Variants in CDH13 observed in about 807,000 individuals in gnomAD.
The protein encoded by CDH13 is cadherin 13.
A neutral mutation model predicts 63.8 loss-of-function variants in CDH13; 24 were observed. The observed-to-expected ratio is 0.38, with a 90% CI of 0.27 to 0.53. CDH13 has a LOEUF of 0.53. Ranked by LOEUF, CDH13 falls within the 20% of genes least tolerant of loss-of-function variation. CDH13 has a pLI of 0.85. For synonymous variants in CDH13, 503 were observed against 355.3 expected (o/e 1.42, Z -4.67); for missense variants, 1,049 against 903.1 (o/e 1.16, Z -2.07).
At chr16:83,110,906 C>T (rs1320624010) in intron 3 of CDH13, among the ~76,000 whole-genome samples, 2 of 150,456 alleles carry the variant, frequency 1.3e-5, no homozygotes, top group East Asian at 3.9e-4. Context: ...TTTCTTGTTA[C>T]TCAGCAACCA....
chr16:83,451,551 C>T (rs961572225), intron 6 of CDH13, among the ~76,000 whole-genome samples: 1 of 152,128 alleles, frequency 6.6e-6, no homozygotes, highest in African/African-American at 2.4e-5. Flanking sequence ...ACAGGCTCTT[C>T]CGCTGTCATC....
chr16:83,479,876 G>C (rs1362186472), intron 6 of CDH13, among the ~76,000 whole-genome samples: 1 of 152,184 alleles, frequency 6.6e-6, no homozygotes, highest in Non-Finnish European at 1.5e-5. Context: ...GTATTCTATA[G>C]AATTAACGTT....
chr16:83,784,774 C>CCAT (rs1194896143), intron 13 of CDH13, among the ~76,000 whole-genome samples: 1 of 152,140 alleles, frequency 6.6e-6, no homozygotes. Context: ...TGTACCACCA[C>CCAT]CATCATCATC....
intron 2 of CDH13, chr16:83,022,883 C>T (rs568894773): frequency 6.6e-5 from 10 of 152,336 alleles, no homozygotes; most frequent in African/African-American, 1.9e-4. Flanking sequence ...GCACAAAATT[C>T]ATATATTAGT....
intron 7 of CDH13, among the ~76,000 whole-genome samples, chr16:83,517,907 C>T (rs566981219): frequency 9.9e-5 from 15 of 152,070 alleles, no homozygotes; most frequent in African/African-American, 3.6e-4. Flanking sequence ...ACTCTGAGGT[C>T]GATATTATTA....
chr16:83,074,826 C>T (rs947645273), intron 3 of CDH13, among the ~76,000 whole-genome samples: 1 of 152,186 alleles, frequency 6.6e-6, no homozygotes, highest in Admixed American at 6.5e-5. Flanking sequence ...CATATTTTAC[C>T]TCAGGTCTTC....
At chr16:83,772,378 A>T (rs74034820) in intron 11 of CDH13, among the ~76,000 whole-genome samples, 11 of 152,028 alleles carry the variant, frequency 7.2e-5, no homozygotes, top group African/African-American at 2.7e-4. Flanking sequence ...ACTTGAAGCC[A>T]TTTGGATAAA....
intron 8 of CDH13, among the ~76,000 whole-genome samples, chr16:83,665,647 A>C (rs1165331897): frequency 6.6e-6 from 1 of 152,164 alleles, no homozygotes; most frequent in Non-Finnish European, 1.5e-5. Flanking sequence ...TCTCTGTGAA[A>C]CTTTAGGGTT....
In CDH13 at chr16:83,218,861, A is replaced by C. The variant is rs553924732; in HGVS notation, c.636+1364A>C. Among the ~76,000 whole-genome samples the C allele has an allele frequency of 2.2e-3, 334 of 152,188 alleles. 4 individuals are homozygous for C. Among genetic ancestry groups the C allele is most frequent in the African/African-American group, 7.8e-3 (324 of 41,522 alleles). On this transcript the variant is annotated intron_variant, in intron 5 of 13. Coordinates refer to ENST00000567109, the MANE Select transcript of CDH13 (RefSeq NM_001257.5). Reference sequence around the variant, plus strand: ...GAGTCTTTCTCGTGCTGTTCTCGTGATAGTGAATAAGTCTCATGAGATCTG... The same window carrying C: ...GAGTCTTTCTCGTGCTGTTCTCGTGCTAGTGAATAAGTCTCATGAGATCTG...
chr16:82,926,047 A>G (rs2042294580), intron 2 of CDH13: 1 of 152,220 alleles, frequency 6.6e-6, no homozygotes, highest in Admixed American at 6.5e-5. Flanking sequence ...AAAAAAAATA[A>G]AAATAAAAAA....
At chr16:82,981,585 G>C (rs561333725) in intron 2 of CDH13, among the ~76,000 whole-genome samples, 2 of 152,040 alleles carry the variant, frequency 1.3e-5, no homozygotes, top group African/African-American at 4.8e-5. Flanking sequence ...TCCAGCATTT[G>C]GTTCTTTCTT....
In CDH13 at chr16:83,385,792, C is replaced by T. The variant is rs2113287; in HGVS notation, c.781+40786C>T. On this transcript the variant is annotated intron_variant, in intron 6 of 13. Coordinates refer to ENST00000567109, the MANE Select transcript of CDH13 (RefSeq NM_001257.5). Reference sequence around the variant, plus strand: ...CACCAAATGGAATCTTTGGTGAATTCTAAAGATTCCCGGCATGTCCCACTA... The same window carrying T: ...CACCAAATGGAATCTTTGGTGAATTTTAAAGATTCCCGGCATGTCCCACTA... Among the ~76,000 whole-genome samples the T allele has an allele frequency of 1.0e-3, 154 of 152,272 alleles. 1 individual carries two copies. Among genetic ancestry groups the T allele is most frequent in the African/African-American group, 3.6e-3 (150 of 41,554 alleles).
At chr16:83,164,511 A>G (rs1183539913) in intron 4 of CDH13, among the ~76,000 whole-genome samples, 13 of 152,064 alleles carry the variant, frequency 8.5e-5, no homozygotes, top group Admixed American at 8.5e-4. Context: ...TCCTGAGGTC[A>G]GGGGTTCAAA....
At chr16:82,816,496 C>A (rs2037717909) in intron 1 of CDH13, among the ~76,000 whole-genome samples, 1 of 151,970 alleles carries the variant, frequency 6.6e-6, no homozygotes, top group Admixed American at 6.6e-5. Flanking sequence ...GTTGTAACTT[C>A]CATAGTGTGG....
chr16:83,125,853 C>T (rs1041638906), intron 4 of CDH13, among the ~76,000 whole-genome samples: 1 of 152,132 alleles, frequency 6.6e-6, no homozygotes, highest in Non-Finnish European at 1.5e-5. Context: ...GACATGTGGC[C>T]TTCACTGAGA....
chr16:82,970,644 C>A lies in CDH13; in HGVS notation c.158-61366C>A, dbSNP rs1001738441. Among the ~76,000 whole-genome samples the A allele has an allele frequency of 1.3e-4, 15 of 117,292 alleles. 2 individuals are homozygous for A. Among genetic ancestry groups the A allele is most frequent in the Admixed American group, 1.1e-3 (13 of 11,862 alleles). The allele number at this position is 117,292 out of a possible 152,430, so 76.9% of individuals were successfully genotyped here. A position where few individuals can be genotyped will look rare whatever the true frequency, so the allele number is the denominator to read the frequency against. ...TCAATCTCCTGACCTCATGATCCAC[C>A]CGCCTCGGCCTCCCAAAGTGCCAGT... is the stretch of plus-strand genomic sequence containing the variant. On this transcript the variant is annotated intron_variant, in intron 2 of 13. Coordinates refer to ENST00000567109, the MANE Select transcript of CDH13 (RefSeq NM_001257.5).
intron 2 of CDH13, among the ~76,000 whole-genome samples, chr16:82,915,572 G>A (rs1423072166): frequency 1.3e-5 from 2 of 152,068 alleles, no homozygotes; most frequent in South Asian, 4.2e-4. Flanking sequence ...TAGATTGTCA[G>A]GTCGACAGGA....
chr16:83,269,149 G>A (rs2088718299), intron 5 of CDH13, among the ~76,000 whole-genome samples: 1 of 152,132 alleles, frequency 6.6e-6, no homozygotes, highest in South Asian at 2.1e-4. Flanking sequence ...TTCTCTCCTA[G>A]TTTTTGGAAA....
At chr16:82,889,874 T>G (rs963447876) in intron 2 of CDH13, among the ~76,000 whole-genome samples, 3 of 152,240 alleles carry the variant, frequency 2.0e-5, no homozygotes, top group African/African-American at 7.2e-5. Context: ...GGAAGACTAT[T>G]AAAAGAGATG....
Sources: allele counts gnomAD v4.1 joint callset (sites outside exome capture counted in the v4.1 genomes callset), GRCh38; gene constraint gnomAD v4.1.1; transcripts MANE v1.5; gene names NCBI Gene and HGNC (gene_info 2026-07-23, HGNC 2026-07-21).